The following SPECC1L variants were observed in gnomAD, a reference collection of about 807,000 sequenced individuals.
SPECC1L encodes the protein cytospin-A.
A neutral mutation model predicts 116.8 loss-of-function variants in SPECC1L; 40 were observed. The ratio of observed to expected loss-of-function variants is 0.34; its 90% confidence interval spans 0.27 to 0.45. The LOEUF is 0.45. SPECC1L is among the 20% of genes least tolerant of loss of function. The pLI, the probability that SPECC1L is intolerant of heterozygous loss-of-function variation, is 1.00. For synonymous variants in SPECC1L, 504 were observed against 500.6 expected (o/e 1.01, Z -0.09); for missense variants, 1,110 against 1,373.6 (o/e 0.81, Z 3.03).
intron 14 of SPECC1L, among the ~76,000 whole-genome samples, chr22:24,371,126 T>C (rs572081868): frequency 2.0e-5 from 3 of 152,030 alleles, no homozygotes; most frequent in Non-Finnish European, 4.4e-5. Context: ...AAAGAAAGAT[T>C]GAGATAAGAC....
At chr22:24,294,973 T>C (rs527347051) in intron 2 of SPECC1L, among the ~76,000 whole-genome samples, 4 of 152,096 alleles carry the variant, frequency 2.6e-5, no homozygotes, top group Non-Finnish European at 5.9e-5. Context: ...AATAGTATTA[T>C]GTCTACCTTA....
At chr22:24,273,548 G>A (rs572468028) in intron 1 of SPECC1L, among the ~76,000 whole-genome samples, 1 of 152,306 alleles carries the variant, frequency 6.6e-6, no homozygotes, top group South Asian at 2.1e-4. Context: ...AGAATCTCTT[G>A]TTTTCCTGCT....
intron 1 of SPECC1L, among the ~76,000 whole-genome samples, chr22:24,274,384 A>G (rs2048789979): frequency 6.6e-6 from 1 of 152,226 alleles, no homozygotes; most frequent in Admixed American, 6.5e-5. Context: ...AGTAAGATTT[A>G]GAGTTATTGT....
At chr22:24,406,991 A>G (rs1475888898) in intron 14 of SPECC1L, among the ~76,000 whole-genome samples, 1 of 152,190 alleles carries the variant, frequency 6.6e-6, no homozygotes, top group African/African-American at 2.4e-5. Context: ...AGCCCGGCTC[A>G]TTCTCCCAAC....
intron 11 of SPECC1L, among the ~76,000 whole-genome samples, chr22:24,361,740 G>A (rs1202974363): frequency 6.6e-6 from 1 of 151,976 alleles, no homozygotes; most frequent in East Asian, 1.9e-4. Flanking sequence ...AGGTTGCAGC[G>A]AGCCAAGATT....
chr22:24,368,851 T>G (rs2041821997), intron 13 of SPECC1L, among the ~76,000 whole-genome samples: 1 of 152,218 alleles, frequency 6.6e-6, no homozygotes, highest in Non-Finnish European at 1.5e-5. Flanking sequence ...GTCACCATGT[T>G]GGCCAGGCTG....
intron 14 of SPECC1L, among the ~76,000 whole-genome samples, chr22:24,402,207 G>A (rs1176207873): frequency 2.1e-5 from 3 of 144,898 alleles, no homozygotes; most frequent in African/African-American, 7.6e-5. Context: ...CTGCTTCAGG[G>A]AGGAGATAAG....
chr22:24,315,736 A>G (rs1423275307), intron 4 of SPECC1L, among the ~76,000 whole-genome samples: 1 of 152,124 alleles, frequency 6.6e-6, no homozygotes, highest in Non-Finnish European at 1.5e-5. Context: ...TGGGGATGTC[A>G]TAACAAAATA....
chr22:24,394,276 A>T (rs932341881), intron 14 of SPECC1L, among the ~76,000 whole-genome samples: 1 of 152,236 alleles, frequency 6.6e-6, no homozygotes, highest in African/African-American at 2.4e-5. Context: ...TGAGATCAGG[A>T]TGCCAGCATG....
chr22:24,393,622 C>G (rs544968076), intron 14 of SPECC1L, among the ~76,000 whole-genome samples: 70 of 152,198 alleles, frequency 4.6e-4, no homozygotes, highest in African/African-American at 1.7e-3. Context: ...CTGTGTGGTA[C>G]CTAAATGTGT....
intron 14 of SPECC1L, among the ~76,000 whole-genome samples, chr22:24,388,358 A>C (rs1201797302): frequency 6.7e-6 from 1 of 150,176 alleles, no homozygotes; most frequent in African/African-American, 2.5e-5. Context: ...TCCTTGCGAT[A>C]GTTTGCTGAG....
intron 10 of SPECC1L, among the ~76,000 whole-genome samples, chr22:24,343,132 T>A (rs1488925624): frequency 6.6e-6 from 1 of 152,080 alleles, no homozygotes; most frequent in Admixed American, 6.5e-5. Flanking sequence ...AGGCAGAGGT[T>A]GCAGTGAGCT....
chr22:24,365,402 TCAGA>T, intron 12 of SPECC1L, 70 bp from the exon 13 acceptor site: 1 of 1,449,316 alleles, frequency 6.9e-7, no homozygotes. Flanking sequence ...TTTGGAATCT[TCAGA>T]AAAAAAAAAT....
At chr22:24,282,977 C>G (rs1401835981) in intron 2 of SPECC1L, among the ~76,000 whole-genome samples, 2 of 152,132 alleles carry the variant, frequency 1.3e-5, no homozygotes, top group South Asian at 2.1e-4. Context: ...GGGGTTTCAC[C>G]ATGTTGGCCA....
chr22:24,384,228 A>C (rs570834184), intron 14 of SPECC1L, among the ~76,000 whole-genome samples: 6 of 152,302 alleles, frequency 3.9e-5, no homozygotes, highest in Admixed American at 1.3e-4. Context: ...CAGTGAAAAA[A>C]ATATTTAATT....
intron 10 of SPECC1L, among the ~76,000 whole-genome samples, chr22:24,345,811 G>T (rs113543858): frequency 0.036 from 5,553 of 152,216 alleles, 303 homozygotes; most frequent in South Asian, 0.12. Flanking sequence ...TTTCTGATGG[G>T]AATATGAAAT....
chr22:24,362,563 T>C (rs2041667337), intron 11 of SPECC1L, among the ~76,000 whole-genome samples: 1 of 152,224 alleles, frequency 6.6e-6, no homozygotes, highest in Non-Finnish European at 1.5e-5. Context: ...TTTTCCTTAA[T>C]CAGCCTCATC....
intron 1 of SPECC1L, among the ~76,000 whole-genome samples, chr22:24,275,208 G>T (rs2048813629): frequency 6.6e-6 from 1 of 152,264 alleles, no homozygotes; most frequent in African/African-American, 2.4e-5. Flanking sequence ...TGTGTGGCTT[G>T]ACAGAAAGTT....
chr22:24,339,844 A>G (rs913321585), intron 10 of SPECC1L, among the ~76,000 whole-genome samples: 1 of 152,044 alleles, frequency 6.6e-6, no homozygotes, highest in Non-Finnish European at 1.5e-5. Flanking sequence ...GTGTAGTTGC[A>G]TGATCTCGGC....
Sources: gnomAD v4.1 joint callset for allele counts (sites outside exome capture counted in the v4.1 genomes callset) on GRCh38, gnomAD v4.1.1 for gene constraint, MANE v1.5 for transcripts, NCBI Gene and HGNC (gene_info 2026-07-23, HGNC 2026-07-21) for gene names.